The following RANBP17 variants were observed in gnomAD, a reference collection of about 807,000 sequenced individuals.
The protein encoded by RANBP17 is ran-binding protein 17.
A neutral mutation model predicts 141.2 loss-of-function variants in RANBP17; 158 were observed. The ratio of observed to expected loss-of-function variants is 1.12; its 90% CI spans 0.98 to 1.28. RANBP17 has a LOEUF of 1.28. Ranked by LOEUF, RANBP17 falls within the 50% of genes most tolerant of loss-of-function variation. The pLI is 0.00. For synonymous variants in RANBP17, 430 were observed against 450.0 expected (o/e 0.96, Z 0.56); for missense variants, 1,438 against 1,290.7 (o/e 1.11, Z -1.75).
chr5:170,905,823 T>C (rs947841686), intron 5 of RANBP17, among the ~76,000 whole-genome samples: 9 of 152,156 alleles, frequency 5.9e-5, no homozygotes, highest in Non-Finnish European at 1.0e-4. Flanking sequence ...GCAGTTTGAT[T>C]CATTTCATGC....
intron 24 of RANBP17, among the ~76,000 whole-genome samples, chr5:171,244,722 C>CA (rs1765106819): frequency 6.6e-6 from 1 of 152,054 alleles, no homozygotes. Flanking sequence ...ACTGGGATTA[C>CA]AAGCATGAAC....
chr5:171,236,714 T>C (rs1186230544), intron 22 of RANBP17, among the ~76,000 whole-genome samples: 1 of 152,184 alleles, frequency 6.6e-6, no homozygotes, highest in African/African-American at 2.4e-5. Context: ...ACTTTACATA[T>C]GCTGTCTCCT....
intron 14 of RANBP17, among the ~76,000 whole-genome samples, chr5:171,096,724 G>T (rs1786720234): frequency 6.6e-6 from 1 of 152,136 alleles, no homozygotes; most frequent in African/African-American, 2.4e-5. Flanking sequence ...AAATAATAAT[G>T]TAACCAGGAT....
intron 14 of RANBP17, among the ~76,000 whole-genome samples, chr5:171,165,903 A>G (rs1457565404): frequency 1.3e-5 from 2 of 152,118 alleles, no homozygotes. Flanking sequence ...AAATGACAAC[A>G]TTTTACCAGT....
At position 170,918,720 on chromosome 5, in the gene RANBP17, C is replaced by T; in HGVS notation, c.962C>T (p.Ser321Phe). The T allele has an allele frequency of 1.2e-6, 2 of 1,601,454 alleles. No homozygotes were observed. The highest frequency in any genetic ancestry group is 1.7e-5 in the Admixed American group (1 of 58,204). ...TTTTGTCTCATAATTTAGGGTTTGTCTGATCCAGGTAATTATCATGAATTT... is the reference window on the plus strand; with the variant it reads ...TTTTGTCTCATAATTTAGGGTTTGTTTGATCCAGGTAATTATCATGAATTT... ...KRILENPQGL[S>F]DPGNYHEFCR... is the part of the protein sequence containing the mutation. The change falls in exon 10 of 28, where the codon TCT (serine) becomes TTT (phenylalanine). Residue 321 changes from serine to phenylalanine, a missense_variant. Ser to Phe is a radical substitution (Grantham distance 155, BLOSUM62 -2). Coordinates refer to ENST00000523189, the MANE Select transcript of RANBP17 (RefSeq NM_022897.5).
intron 24 of RANBP17, among the ~76,000 whole-genome samples, chr5:171,248,138 G>A (rs924474153): frequency 2.6e-5 from 4 of 152,124 alleles, no homozygotes; most frequent in African/African-American, 7.2e-5. Context: ...AGGCAGAGGC[G>A]GGCAGATCAC....
At chr5:171,192,614 G>C (rs1309151760) in intron 18 of RANBP17, among the ~76,000 whole-genome samples, 1 of 152,096 alleles carries the variant, frequency 6.6e-6, no homozygotes, top group East Asian at 1.9e-4. Context: ...ATAAGATAAA[G>C]ATACATAAAA....
intron 14 of RANBP17, among the ~76,000 whole-genome samples, chr5:171,096,721 A>G (rs1316158367): frequency 6.6e-6 from 1 of 152,150 alleles, no homozygotes; most frequent in Non-Finnish European, 1.5e-5. Context: ...GGGAAATAAT[A>G]ATGTAACCAG....
chr5:171,160,937 C>T (rs767715335), intron 14 of RANBP17, among the ~76,000 whole-genome samples: 17 of 152,074 alleles, frequency 1.1e-4, no homozygotes, highest in Admixed American at 2.6e-4. Flanking sequence ...AGATTACAGG[C>T]GCGTGCCACC....
chr5:170,908,661 A>G (rs1372683361), intron 5 of RANBP17, among the ~76,000 whole-genome samples: 1 of 151,768 alleles, frequency 6.6e-6, no homozygotes, highest in East Asian at 1.9e-4. Context: ...AGTTGGGAAA[A>G]AAAAAAAAAG....
rs528745472 is a variant in RANBP17, at chr5:171,199,608, C to T, written c.2039-62C>T. 645 of 1,030,166 alleles carry T rather than the reference C, an allele frequency of 6.3e-4. 2 individuals are homozygous for T. Among genetic ancestry groups the T allele is most frequent in the Non-Finnish European group, 8.9e-4 (606 of 677,930 alleles). The allele number at this position is 1,030,166 out of a possible 1,614,324, so 63.8% of individuals were successfully genotyped here. On this transcript the variant is annotated intron_variant, in intron 18 of 27. Transcript: ENST00000523189. Reference sequence around the variant, plus strand: ...CTAAGCCTAAATGAAGCACTCAATGCTGAGGACAATGTACAATTCTATGCA... The same window carrying T: ...CTAAGCCTAAATGAAGCACTCAATGTTGAGGACAATGTACAATTCTATGCA...
At chr5:171,242,878 G>C (rs566774942) in intron 24 of RANBP17, 58 bp downstream of exon 24, 2 of 1,488,336 alleles carry the variant, frequency 1.3e-6, no homozygotes, top group Non-Finnish European at 1.9e-6. Flanking sequence ...GGCTTTTAAT[G>C]TATGTGATTA....
At chr5:170,895,006 C>T (rs1052809192) in intron 4 of RANBP17, among the ~76,000 whole-genome samples, 1 of 152,136 alleles carries the variant, frequency 6.6e-6, no homozygotes, top group African/African-American at 2.4e-5. Flanking sequence ...CATCAATCAG[C>T]TGGTTCTAGC....
intron 14 of RANBP17, among the ~76,000 whole-genome samples, chr5:171,028,301 A>G (rs1048308201): frequency 3.3e-5 from 5 of 152,096 alleles, no homozygotes; most frequent in African/African-American, 1.2e-4. Context: ...AGTTTTGGAG[A>G]TGAAACGCAT....
At chr5:170,917,152 T>C (rs938550431) in intron 9 of RANBP17, among the ~76,000 whole-genome samples, 1 of 152,210 alleles carries the variant, frequency 6.6e-6, no homozygotes, top group African/African-American at 2.4e-5. Context: ...TTCTGTCTTT[T>C]ACCATTGTAT....
chr5:171,214,422 G>T (rs1048208173), intron 21 of RANBP17, among the ~76,000 whole-genome samples: 1 of 152,126 alleles, frequency 6.6e-6, no homozygotes, highest in Admixed American at 6.5e-5. Context: ...AGCTAATTGG[G>T]CTTAAAATAT....
At chr5:171,216,277 C>T (rs1348674778) in intron 21 of RANBP17, among the ~76,000 whole-genome samples, 4 of 151,974 alleles carry the variant, frequency 2.6e-5, no homozygotes, top group African/African-American at 9.7e-5. Flanking sequence ...GTTTTGGTAC[C>T]AGTATCATGC....
intron 18 of RANBP17, among the ~76,000 whole-genome samples, chr5:171,189,016 A>G (rs1761455427): frequency 6.6e-6 from 1 of 152,250 alleles, no homozygotes; most frequent in African/African-American, 2.4e-5. Context: ...CCTTTGAAAT[A>G]CTTAACCCAT....
intron 13 of RANBP17, among the ~76,000 whole-genome samples, chr5:170,963,908 C>T (rs1776327849): frequency 6.6e-6 from 1 of 152,028 alleles, no homozygotes; most frequent in African/African-American, 2.4e-5. Flanking sequence ...ATTTGTAAAA[C>T]TCAGTAATTA....
Sources: allele counts gnomAD v4.1 joint callset (sites outside exome capture counted in the v4.1 genomes callset), GRCh38; gene constraint gnomAD v4.1.1; transcripts MANE v1.5; gene names NCBI Gene and HGNC (gene_info 2026-07-23, HGNC 2026-07-21).